UBAC2: variants seen among roughly 807,000 people sequenced by gnomAD.
UBAC2 encodes ubiquitin-associated domain-containing protein 2.
In UBAC2, 26 loss-of-function variants were observed where a neutral mutation model predicts 44.0. The ratio of observed to expected loss-of-function variants is 0.59; its 90% confidence interval spans 0.43 to 0.82. The LOEUF is 0.82. Among genes scored for constraint, UBAC2 ranks in the 40% least tolerant of loss-of-function variants. The pLI, the probability that UBAC2 is intolerant of heterozygous loss-of-function variation, is 0.00. For synonymous variants in UBAC2, 155 were observed against 154.3 expected (o/e 1.00, Z -0.04); for missense variants, 329 against 419.4 (o/e 0.78, Z 1.88).
chr13:99,303,600 T>C (rs2044287874), intron 4 of UBAC2, among the ~76,000 whole-genome samples: 1 of 152,166 alleles, frequency 6.6e-6, no homozygotes, highest in Admixed American at 6.5e-5. Flanking sequence ...CTGGCATGAT[T>C]TGTAGGATGC....
chr13:99,351,143 G>A (rs1383092893), intron 7 of UBAC2, among the ~76,000 whole-genome samples: 1 of 152,010 alleles, frequency 6.6e-6, no homozygotes, highest in East Asian at 1.9e-4. Context: ...TTGTCATTGG[G>A]GATAAAAAAA....
chr13:99,284,943 CAG>C lies in UBAC2; in HGVS notation c.390-29148_390-29147del, dbSNP rs377350801. On this transcript the variant is annotated intron_variant, in intron 4 of 8. Transcript: ENST00000403766. ...TCATGAAAAATTTCAGTGACACAAG[CAG>C]AGAGAATAAAATGAGCCCTATTACC... 7.3e-3 allele frequency among the ~76,000 whole-genome samples: 1,115 copies of C among 152,198 alleles called. 9 individuals carry two copies. The highest frequency in any genetic ancestry group is 0.055 in the South Asian group (264 of 4,820).
chr13:99,306,014 C>T (rs1439703233), intron 4 of UBAC2, among the ~76,000 whole-genome samples: 1 of 152,084 alleles, frequency 6.6e-6, no homozygotes. Flanking sequence ...TCCTGCCTCA[C>T]CCTCTTGAGT....
intron 4 of UBAC2, among the ~76,000 whole-genome samples, chr13:99,268,009 T>C (rs997029877): frequency 1.3e-5 from 2 of 152,216 alleles, no homozygotes; most frequent in Non-Finnish European, 2.9e-5. Context: ...GGAGGCTCCA[T>C]GGCTTCTGCT....
intron 4 of UBAC2, among the ~76,000 whole-genome samples, chr13:99,248,275 G>A (rs1338144059): frequency 2.0e-5 from 3 of 151,996 alleles, no homozygotes; most frequent in South Asian, 2.1e-4. Context: ...CAGGCCTAGA[G>A]TACAGTGGTG....
intron 6 of UBAC2, among the ~76,000 whole-genome samples, chr13:99,339,060 A>G (rs1243129377): frequency 6.6e-6 from 1 of 151,886 alleles, no homozygotes; most frequent in Non-Finnish European, 1.5e-5. Context: ...TAAATGTCAT[A>G]TCATATCCAG....
At chr13:99,305,482 G>T (rs1416026211) in intron 4 of UBAC2, among the ~76,000 whole-genome samples, 1 of 152,200 alleles carries the variant, frequency 6.6e-6, no homozygotes, top group Non-Finnish European at 1.5e-5. Flanking sequence ...TCTTTTAAAT[G>T]TAAGCTTCTT....
At position 99,295,594 on chromosome 13, in the gene UBAC2, A is replaced by G. The variant is rs1439949395; in HGVS notation, c.390-18503A>G. On this transcript the variant is annotated intron_variant, in intron 4 of 8. Coordinates refer to ENST00000403766, the MANE Select transcript of UBAC2 (RefSeq NM_001144072.2). This position sits in a 1 kb window ranked among gnomAD's most constrained non-coding sequence, Gnocchi z 4.1. ...GAGATTTAGTTTCTTCAAAGTTTGG[A>G]TACTCCATGCATGTAATCCTTTCAG... 2.5e-6 allele frequency: 4 copies of G among 1,614,084 alleles called. No homozygotes were observed. The highest frequency in any genetic ancestry group is 2.5e-6 in the Non-Finnish European group (3 of 1,180,016).
intron 1 of UBAC2, among the ~76,000 whole-genome samples, chr13:99,208,733 A>T (rs1422781635): frequency 6.6e-6 from 1 of 152,122 alleles, no homozygotes; most frequent in African/African-American, 2.4e-5. Flanking sequence ...ATTGAGTGGA[A>T]TAGGAGGAGG....
intron 8 of UBAC2, among the ~76,000 whole-genome samples, chr13:99,373,621 G>C (rs777040003): frequency 6.6e-6 from 1 of 152,194 alleles, no homozygotes; most frequent in African/African-American, 2.4e-5. Context: ...TGCTGCTGAG[G>C]CCAAGAAAGG....
At position 99,295,998 on chromosome 13, in the gene UBAC2, A is replaced by G. The variant is rs1469659350; in HGVS notation, c.390-18099A>G. On this transcript the variant is annotated intron_variant, in intron 4 of 8. Coordinates refer to ENST00000403766, the MANE Select transcript of UBAC2 (RefSeq NM_001144072.2). This position sits in a 1 kb window ranked among gnomAD's most constrained non-coding sequence, Gnocchi z 4.1. Reference sequence around the variant, plus strand: ...TGAACAATGACGACCAAGGCTAGTAAGTTTCCCACGAGCCCAATGATGAAG... The same window carrying G: ...TGAACAATGACGACCAAGGCTAGTAGGTTTCCCACGAGCCCAATGATGAAG... 5 of 1,614,166 alleles carry G rather than the reference A, an allele frequency of 3.1e-6. No homozygotes were observed. In the East Asian group the frequency reaches 8.9e-5, roughly 29 times the overall value.
chr13:99,325,927 C>A (rs2044636221), intron 6 of UBAC2, among the ~76,000 whole-genome samples: 1 of 152,162 alleles, frequency 6.6e-6, no homozygotes, highest in South Asian at 2.1e-4. Flanking sequence ...ACATTTTCTT[C>A]ATCCCTTTGT....
intron 4 of UBAC2, among the ~76,000 whole-genome samples, chr13:99,286,952 C>G (rs1000808528): frequency 4.6e-5 from 7 of 152,240 alleles, no homozygotes; most frequent in African/African-American, 1.2e-4. Context: ...ATTTCTGCCT[C>G]TACCCCCGAT....
intron 4 of UBAC2, among the ~76,000 whole-genome samples, chr13:99,253,846 GTTC>G (rs1304240612): frequency 9.9e-5 from 15 of 152,200 alleles, no homozygotes; most frequent in African/African-American, 3.4e-4. Context: ...CATGTATTTG[GTTC>G]TAAGCCCCAG....
At chr13:99,314,004 A>G in intron 4 of UBAC2, 93 bp from the exon 5 acceptor site, 3 of 1,225,456 alleles carry the variant, frequency 2.4e-6, no homozygotes, top group Non-Finnish European at 3.4e-6. Flanking sequence ...TCAGACTGAA[A>G]TAAAATTATA....
chr13:99,255,008 C>T (rs754297101), intron 4 of UBAC2: 25 of 1,613,886 alleles, frequency 1.5e-5, no homozygotes, highest in Middle Eastern at 1.6e-4. Flanking sequence ...TGTTTTGAAA[C>T]GATGTAGTAG....
intron 7 of UBAC2, among the ~76,000 whole-genome samples, chr13:99,358,073 G>C (rs1199182215): frequency 6.6e-6 from 1 of 152,192 alleles, no homozygotes; most frequent in Non-Finnish European, 1.5e-5. Flanking sequence ...TCCTGGGGAA[G>C]GGATGGTGAG....
At position 99,344,775 on chromosome 13, in the gene UBAC2, C is replaced by T. The variant is rs139118243; in HGVS notation, c.807+4210C>T. Among the ~76,000 whole-genome samples the T allele has an allele frequency of 6.6e-4, 100 of 152,314 alleles. 1 individual carries two copies. The highest frequency in any genetic ancestry group is 2.3e-3 in the African/African-American group (97 of 41,566). On this transcript the variant is annotated intron_variant, in intron 7 of 8. Transcript: ENST00000403766. Reference sequence around the variant, plus strand: ...CTGCCACCCCCTGCCACGTGCTCCTCGTGTGGCTCTGGGGGCACAGTTAGA... The same window carrying T: ...CTGCCACCCCCTGCCACGTGCTCCTTGTGTGGCTCTGGGGGCACAGTTAGA...
At chr13:99,242,555 GCTC>G (rs1464706399) in intron 2 of UBAC2, among the ~76,000 whole-genome samples, 1 of 123,274 alleles carries the variant, frequency 8.1e-6, no homozygotes, top group Non-Finnish European at 1.7e-5. Flanking sequence ...GGGCAGAGGG[GCTC>G]CTCACTTCCC....
Sources: allele counts gnomAD v4.1 joint callset (sites outside exome capture counted in the v4.1 genomes callset), GRCh38; gene constraint gnomAD v4.1.1; non-coding constraint Gnocchi (gnomAD v3.1); transcripts MANE v1.5; gene names NCBI Gene and HGNC (gene_info 2026-07-23, HGNC 2026-07-21).